Variants in PTK2 observed in about 807,000 individuals in gnomAD.
PTK2 encodes the protein protein tyrosine kinase 2.
PTK2 carries 45 observed loss-of-function variants against 150.1 expected under a neutral mutation model. That is an observed-to-expected ratio of 0.30 (90% CI 0.24 to 0.38). The LOEUF is 0.38. Ranked by LOEUF, PTK2 falls within the 10% of genes least tolerant of loss-of-function variation. The pLI is 1.00. For synonymous variants in PTK2, 432 were observed against 449.2 expected (o/e 0.96, Z 0.48); for missense variants, 919 against 1,307.3 (o/e 0.70, Z 4.58).
chr8:140,912,107 G>T (rs982317825), intron 2 of PTK2, among the ~76,000 whole-genome samples: 1 of 152,068 alleles, frequency 6.6e-6, no homozygotes, highest in Non-Finnish European at 1.5e-5. Context: ...GCCAGGTATG[G>T]TGGCACGCAC....
At chr8:140,981,782 T>A (rs547731962) in intron 1 of PTK2, among the ~76,000 whole-genome samples, 4 of 152,222 alleles carry the variant, frequency 2.6e-5, no homozygotes, top group African/African-American at 9.6e-5. Flanking sequence ...AGGTCACAGG[T>A]GGCCTGCAAA....
At chr8:140,835,094 C>A (rs1028983081) in intron 7 of PTK2, among the ~76,000 whole-genome samples, 2 of 152,232 alleles carry the variant, frequency 1.3e-5, no homozygotes, top group Non-Finnish European at 2.9e-5. Flanking sequence ...GCATTCCCCA[C>A]TCACTGAGAT....
chr8:140,936,489 G>A (rs1326343401), intron 1 of PTK2, among the ~76,000 whole-genome samples: 1 of 152,086 alleles, frequency 6.6e-6, no homozygotes, highest in African/African-American at 2.4e-5. Flanking sequence ...TACCTGGGAT[G>A]CAAATATGGG....
At chr8:140,877,050 T>TTTTTAATA (rs2100146010) in intron 4 of PTK2, among the ~76,000 whole-genome samples, 1 of 82,624 alleles carries the variant, frequency 1.2e-5, no homozygotes, top group African/African-American at 4.0e-5. Flanking sequence ...TTTTTTTTTT[T>TTTTTAATA]GAGACAGAGT....
intron 23 of PTK2, 110 bp downstream of exon 26, chr8:140,717,482 ATTACTC>A: frequency 1.3e-6 from 1 of 774,438 alleles, no homozygotes; most frequent in Admixed American, 2.1e-5. Context: ...TGTTATAACT[ATTACTC>A]TTAGAATAAC....
Position 140,770,058 on chromosome 8 carries a change from A to G in PTK2, c.1178-5768T>C, listed in dbSNP as rs76118627. 2.6e-3 allele frequency among the ~76,000 whole-genome samples: 394 copies of G among 152,352 alleles called. 14 individuals are homozygous for G. The East Asian group carries it at 0.069, about 27-fold the overall frequency. On this transcript the variant is annotated intron_variant, in intron 14 of 31. Coordinates refer to ENST00000522684, the Ensembl canonical transcript of PTK2. ...CTCAGCAAGCCCATTCCAATAAGCC[A>G]GTGGGATTTAAATATTATAAGGTAG...
At chr8:140,891,542 GGCT>G (rs2100154252) in intron 2 of PTK2, among the ~76,000 whole-genome samples, 1 of 152,132 alleles carries the variant, frequency 6.6e-6, no homozygotes, top group Admixed American at 6.6e-5. Flanking sequence ...CTTAACAGCT[GGCT>G]GCTTTTTCCC....
intron 31 of PTK2, chr8:140,662,760 G>A (rs1477095956): frequency 3.0e-5 from 17 of 571,790 alleles, no homozygotes; most frequent in Non-Finnish European, 5.4e-5. Context: ...TGCTGAGAAG[G>A]ATTCAGCATT....
chr8:140,700,814 A>G, intron 26 of PTK2, 77 bp downstream of exon 29: 1 of 1,528,518 alleles, frequency 6.5e-7, no homozygotes, highest in African/African-American at 1.4e-5. Context: ...GAAAGATAAC[A>G]TTTTGCAATA....
chr8:140,819,339 A>G (rs1177841354), intron 8 of PTK2, among the ~76,000 whole-genome samples: 2 of 152,226 alleles, frequency 1.3e-5, no homozygotes, highest in Admixed American at 1.3e-4. Context: ...AAAGGTATAA[A>G]GGTACTTGCA....
chr8:140,895,438 C>T (rs1274507944), intron 2 of PTK2, among the ~76,000 whole-genome samples: 1 of 151,886 alleles, frequency 6.6e-6, no homozygotes, highest in East Asian at 1.9e-4. Context: ...AGGAGGACTG[C>T]TTAAGCCCCA....
At chr8:140,918,090 T>C (rs2100166007) in intron 2 of PTK2, among the ~76,000 whole-genome samples, 1 of 152,222 alleles carries the variant, frequency 6.6e-6, no homozygotes, top group Non-Finnish European at 1.5e-5. Context: ...ATCGAGCTCA[T>C]TTAAGCTGAG....
At position 140,800,448 on chromosome 8, in the gene PTK2, C is replaced by T. The variant is rs373415141; in HGVS notation, c.1093+11G>A. 2 of 1,595,072 alleles carry T rather than the reference C, an allele frequency of 1.3e-6. No individual in the cohort carries two copies. The highest frequency in any genetic ancestry group is 1.7e-6 in the Non-Finnish European group (2 of 1,162,784). ...AAGCGCAATTGGGAATGCTCAGAAACAGCACCTCACCTTTCTGAGGTCTGA... is the reference window on the plus strand; with the variant it reads ...AAGCGCAATTGGGAATGCTCAGAAATAGCACCTCACCTTTCTGAGGTCTGA... On this transcript the variant is annotated intron_variant, in intron 12 of 31. Transcript: ENST00000522684.
At chr8:140,764,329 C>T (rs373871051) in intron 14 of PTK2, 39 bp from the exon 17 acceptor site, 2 of 1,429,632 alleles carry the variant, frequency 1.4e-6, no homozygotes, top group African/African-American at 2.8e-5. Flanking sequence ...AGAGGTTAAA[C>T]ATCTGACCTC....
intron 24 of PTK2, 113 bp downstream of exon 27, chr8:140,706,006 C>T (rs1178344524): frequency 7.4e-6 from 6 of 806,726 alleles, no homozygotes; most frequent in Admixed American, 2.4e-5. Flanking sequence ...AGCTTTCTAT[C>T]GGCCAAATCA....
At chr8:140,742,712 C>T (rs1389883493) in intron 20 of PTK2, among the ~76,000 whole-genome samples, 3 of 152,130 alleles carry the variant, frequency 2.0e-5, no homozygotes, top group Non-Finnish European at 4.4e-5. Context: ...TTCTTTGTGT[C>T]ATTTTTACTA....
At chr8:140,991,188 A>G (rs191417181) in intron 1 of PTK2, among the ~76,000 whole-genome samples, 69 of 152,358 alleles carry the variant, frequency 4.5e-4, no homozygotes, top group African/African-American at 1.6e-3. Context: ...GCAATAATTC[A>G]ACACCAGGAA....
chr8:140,859,300 G>A (rs1298133372), intron 5 of PTK2, among the ~76,000 whole-genome samples: 8 of 152,188 alleles, frequency 5.3e-5, no homozygotes, highest in African/African-American at 1.2e-4. Flanking sequence ...GTACAGTGAG[G>A]TGGGCCACAG....
chr8:140,862,467 C>T (rs1028171947), intron 5 of PTK2, among the ~76,000 whole-genome samples: 4 of 152,118 alleles, frequency 2.6e-5, no homozygotes, highest in East Asian at 1.9e-4. Context: ...AATCTAAAAA[C>T]GCCTTCTTAA....
Sources: gnomAD v4.1 joint callset for allele counts (sites outside exome capture counted in the v4.1 genomes callset) on GRCh38, gnomAD v4.1.1 for gene constraint, MANE v1.5 for transcripts, NCBI Gene and HGNC (gene_info 2026-07-23, HGNC 2026-07-21) for gene names.